The following YWHAE variants were observed in gnomAD, a reference collection of about 807,000 sequenced individuals.
YWHAE encodes 14-3-3 protein epsilon.
In YWHAE, 4 loss-of-function variants were observed where a neutral mutation model predicts 30.1. The observed-to-expected ratio is 0.13, with a 90% confidence interval of 0.07 to 0.30. The LOEUF (loss-of-function observed/expected upper bound fraction) is 0.30. YWHAE is among the 10% of genes least tolerant of loss of function. YWHAE has a pLI of 1.00. For synonymous variants in YWHAE, 118 were observed against 111.8 expected, an observed-to-expected ratio of 1.06 and a Z score of -0.35; for missense variants, 121 against 315.9, an observed-to-expected ratio of 0.38 and a Z score of 4.68.
intron 3 of YWHAE, 22 bp from the exon 4 acceptor site, chr17:1,361,320 A>T: frequency 2.0e-6 from 3 of 1,469,140 alleles, no homozygotes; most frequent in Admixed American, 2.4e-5. Context: ...CCAAAATTAA[A>T]AAAAAAAAAA....
chr17:1,399,789 A>G, intron 1 of YWHAE: 2 of 85,640 alleles, frequency 2.3e-5, no homozygotes, highest in South Asian at 4.8e-4. Context: ...CCGCCATTTT[A>G]CAACCAACTC....
chr17:1,376,241 G>A (rs1027533336), intron 1 of YWHAE, among the ~76,000 whole-genome samples: 2 of 152,160 alleles, frequency 1.3e-5, no homozygotes, highest in Admixed American at 6.6e-5. Context: ...ACTGGTTTCA[G>A]TGACTCTACC....
chr17:1,397,966 C>T (rs1004561678), intron 1 of YWHAE, among the ~76,000 whole-genome samples: 1 of 152,142 alleles, frequency 6.6e-6, no homozygotes, highest in East Asian at 1.9e-4. Context: ...CCAATAAGGG[C>T]TCTGGTCAGA....
intron 1 of YWHAE, among the ~76,000 whole-genome samples, chr17:1,378,786 A>C (rs2073162099): frequency 6.6e-6 from 1 of 152,206 alleles, no homozygotes; most frequent in Non-Finnish European, 1.5e-5. Flanking sequence ...TCTCTACTAA[A>C]AATACCAAAA....
chr17:1,373,913 T>C (rs1424809449), intron 1 of YWHAE, among the ~76,000 whole-genome samples: 1 of 152,112 alleles, frequency 6.6e-6, no homozygotes, highest in East Asian at 1.9e-4. Flanking sequence ...CAACCTACCG[T>C]ATGGAGTCGG....
At chr17:1,389,800 G>T (rs1005954463) in intron 1 of YWHAE, among the ~76,000 whole-genome samples, 1 of 151,838 alleles carries the variant, frequency 6.6e-6, no homozygotes, top group African/African-American at 2.4e-5. Flanking sequence ...AAAGTCCTGG[G>T]ATTACAGCCG....
chr17:1,388,101 GTTTTTTTTTTTGGTTGGTTTTT>G (rs1335459216), intron 1 of YWHAE, among the ~76,000 whole-genome samples: 987 of 62,370 alleles, frequency 0.016, 56 homozygotes, highest in African/African-American at 0.054. Context: ...GGTAATTTTT[GTTTTTTTTTTTGGTTGGTTTTT>G]TTTTTTTTTT....
At chr17:1,374,004 G>A (rs2073086088) in intron 1 of YWHAE, among the ~76,000 whole-genome samples, 1 of 152,056 alleles carries the variant, frequency 6.6e-6, no homozygotes, top group Admixed American at 6.6e-5. Flanking sequence ...CCTACTGTAT[G>A]GATATACTAT....
At chr17:1,365,855 C>G (rs1196637222) in intron 1 of YWHAE, among the ~76,000 whole-genome samples, 1 of 152,064 alleles carries the variant, frequency 6.6e-6, no homozygotes, top group Non-Finnish European at 1.5e-5. Flanking sequence ...TGGCTCATAC[C>G]CCTAGCACTT....
intron 1 of YWHAE, among the ~76,000 whole-genome samples, chr17:1,371,770 C>T (rs367700192): frequency 2.0e-5 from 3 of 151,446 alleles, no homozygotes; most frequent in African/African-American, 7.3e-5. Context: ...TGGTCACCAT[C>T]AATAATGTTA....
rs367814115 is a variant in YWHAE, at chr17:1,360,241, C to A, written c.578+851G>T. 3.5e-4 allele frequency among the ~76,000 whole-genome samples: 53 copies of A among 152,028 alleles called. 2 individuals carry two copies. The East Asian group carries it at 9.3e-3, about 27-fold the overall frequency. Reference sequence around the variant, plus strand: ...CCTCCCAAAGTGCTGGGATTACAGGCGTGAGCCACTGCACCCAGGCTATCA... The same window carrying A: ...CCTCCCAAAGTGCTGGGATTACAGGAGTGAGCCACTGCACCCAGGCTATCA... On this transcript the variant is annotated intron_variant, in intron 4 of 5. Coordinates refer to ENST00000264335, the MANE Select transcript of YWHAE (RefSeq NM_006761.5).
intron 1 of YWHAE, among the ~76,000 whole-genome samples, chr17:1,374,897 G>A (rs1453729936): frequency 1.3e-5 from 2 of 152,058 alleles, no homozygotes; most frequent in Non-Finnish European, 2.9e-5. Flanking sequence ...GTAGCATTGA[G>A]TCAGGAGACA....
chr17:1,365,192 C>G, intron 1 of YWHAE, 134 bp from the exon 2 acceptor site: 1 of 1,044,892 alleles, frequency 9.6e-7, no homozygotes, highest in Non-Finnish European at 1.4e-6. Context: ...ATCATCAAAA[C>G]TAATATGAGT....
intron 1 of YWHAE, among the ~76,000 whole-genome samples, chr17:1,376,865 GTTC>G (rs1010748571): frequency 4.0e-5 from 6 of 151,818 alleles, no homozygotes; most frequent in African/African-American, 1.4e-4. Flanking sequence ...AAACGAGCAG[GTTC>G]TGTACTGGCT....
intron 1 of YWHAE, among the ~76,000 whole-genome samples, chr17:1,384,555 T>A (rs544346174): frequency 2.0e-5 from 3 of 151,742 alleles, no homozygotes; most frequent in African/African-American, 7.3e-5. Flanking sequence ...TAGCCAGGCA[T>A]GGTGGCAGGC....
chr17:1,354,028 C>T (rs1399166529), intron 5 of YWHAE, among the ~76,000 whole-genome samples, 183 bp downstream of exon 5: 1 of 152,146 alleles, frequency 6.6e-6, no homozygotes, highest in East Asian at 1.9e-4. Flanking sequence ...AAACTAAGTT[C>T]CCAAAATGGA....
At chr17:1,369,431 T>C (rs576587092) in intron 1 of YWHAE, among the ~76,000 whole-genome samples, 79 of 152,094 alleles carry the variant, frequency 5.2e-4, no homozygotes, top group African/African-American at 1.8e-3. Context: ...GAGGCGGAGG[T>C]TGCAGTGACC....
intron 1 of YWHAE, among the ~76,000 whole-genome samples, chr17:1,376,318 G>T (rs944302829): frequency 6.6e-6 from 1 of 152,016 alleles, no homozygotes; most frequent in Non-Finnish European, 1.5e-5. Flanking sequence ...GCCACCATGA[G>T]AGAAAGAACG....
chr17:1,355,708 T>C (rs2072729309), intron 4 of YWHAE, among the ~76,000 whole-genome samples: 1 of 152,064 alleles, frequency 6.6e-6, no homozygotes, highest in Admixed American at 6.6e-5. Flanking sequence ...CTTAAAAATT[T>C]AGAAATGGAG....
Sources: gnomAD v4.1 joint callset for allele counts (sites outside exome capture counted in the v4.1 genomes callset) on GRCh38, gnomAD v4.1.1 for gene constraint, MANE v1.5 for transcripts, NCBI Gene and HGNC (gene_info 2026-07-23, HGNC 2026-07-21) for gene names.